Variants in DNAL1 observed in about 807,000 individuals in gnomAD.
The protein encoded by DNAL1 is dynein axonemal light chain 1.
A neutral mutation model predicts 29.4 loss-of-function variants in DNAL1; 17 were observed. The ratio of observed to expected loss-of-function variants is 0.58; its 90% CI spans 0.40 to 0.87. The LOEUF is 0.87. DNAL1 is among the 40% of genes least tolerant of loss of function. The pLI is 0.00. For synonymous variants in DNAL1, 78 were observed against 76.3 expected, an observed-to-expected ratio of 1.02 and a Z score of -0.12; for missense variants, 188 against 214.1, an observed-to-expected ratio of 0.88 and a Z score of 0.76.
chr14:73,679,283 C>T lies in DNAL1; in HGVS notation c.264+7686C>T, dbSNP rs144725575. Reference sequence around the variant, plus strand: ...TGCTGGGATTACAGGCGTGAGCCACCGTGCCCGGCCAAGACTTTTGTTTTT... The same window carrying T: ...TGCTGGGATTACAGGCGTGAGCCACTGTGCCCGGCCAAGACTTTTGTTTTT... On this transcript the variant is annotated intron_variant, in intron 5 of 7. Coordinates refer to ENST00000553645, the MANE Select transcript of DNAL1 (RefSeq NM_031427.4). 1.6e-3 allele frequency among the ~76,000 whole-genome samples: 240 copies of T among 152,234 alleles called. 5 individuals are homozygous for T. The East Asian group carries it at 0.04, about 25-fold the overall frequency.
intron 2 of DNAL1, among the ~76,000 whole-genome samples, chr14:73,657,682 C>T (rs1176689967): frequency 6.6e-6 from 1 of 152,208 alleles, no homozygotes; most frequent in Non-Finnish European, 1.5e-5. Context: ...CAACCTCTGC[C>T]TCCCGGGTTC....
At chr14:73,693,574 A>G (rs1441312340) in intron 7 of DNAL1, among the ~76,000 whole-genome samples, 1 of 152,194 alleles carries the variant, frequency 6.6e-6, no homozygotes, top group Non-Finnish European at 1.5e-5. Flanking sequence ...GACACAGGGT[A>G]CATACTATAT....
chr14:73,683,700 A>ATTTAT (rs1334060024), intron 5 of DNAL1, among the ~76,000 whole-genome samples: 1 of 127,992 alleles, frequency 7.8e-6, no homozygotes, highest in African/African-American at 3.1e-5. Context: ...TTATTTATTT[A>ATTTAT]TTATTATTAT....
intron 1 of DNAL1, 52 bp downstream of exon 1, chr14:73,645,094 A>T: frequency 1.3e-6 from 2 of 1,595,412 alleles, no homozygotes; most frequent in Non-Finnish European, 1.7e-6. Flanking sequence ...TTGGGAGTGG[A>T]AAAGGGTGAC....
At chr14:73,657,446 G>T (rs1238787074) in intron 2 of DNAL1, among the ~76,000 whole-genome samples, 2 of 152,158 alleles carry the variant, frequency 1.3e-5, no homozygotes, top group African/African-American at 4.8e-5. Context: ...CTCCCAGATT[G>T]CTGGTATTAC....
intron 4 of DNAL1, among the ~76,000 whole-genome samples, chr14:73,662,244 T>G (rs1891373431): frequency 6.6e-6 from 1 of 152,244 alleles, no homozygotes; most frequent in South Asian, 2.1e-4. Flanking sequence ...TTAAAGACAT[T>G]TAAAAGCTTT....
chr14:73,650,774 C>T (rs922788850), intron 1 of DNAL1, among the ~76,000 whole-genome samples: 1 of 152,108 alleles, frequency 6.6e-6, no homozygotes, highest in African/African-American at 2.4e-5. Context: ...CTGTGCCTGG[C>T]CAGGCAATTG....
intron 5 of DNAL1, among the ~76,000 whole-genome samples, chr14:73,681,617 A>ATATATATATATATAT (rs1891879010): frequency 2.1e-5 from 1 of 47,706 alleles, no homozygotes; most frequent in African/African-American, 9.5e-5. Context: ...AAAAAAAAAA[A>ATATATATATATATAT]AAAAAAAAAA....
chr14:73,650,270 T>C (rs1031937878), intron 1 of DNAL1, among the ~76,000 whole-genome samples: 6 of 152,240 alleles, frequency 3.9e-5, no homozygotes, highest in African/African-American at 1.4e-4. Context: ...ATTATAGGCA[T>C]GAGCCACTGC....
At chr14:73,677,205 C>T (rs889589431) in intron 5 of DNAL1, among the ~76,000 whole-genome samples, 1 of 152,012 alleles carries the variant, frequency 6.6e-6, no homozygotes, top group African/African-American at 2.4e-5. Flanking sequence ...CTCCTGACCT[C>T]GTGATCTGCC....
At chr14:73,645,196 G>C (rs942267094) in intron 1 of DNAL1, among the ~76,000 whole-genome samples, 154 bp downstream of exon 1, 1 of 152,206 alleles carries the variant, frequency 6.6e-6, no homozygotes, top group Non-Finnish European at 1.5e-5. Context: ...CGAGGCGAAA[G>C]AGAAGCCCTG....
chr14:73,673,584 C>T (rs975631566), intron 5 of DNAL1, among the ~76,000 whole-genome samples: 7 of 152,038 alleles, frequency 4.6e-5, no homozygotes, highest in African/African-American at 1.4e-4. Context: ...AGCTTTATTG[C>T]TTATTTGCAG....
Position 73,662,015 on chromosome 14 carries a change from G to GA in DNAL1, c.187dup (p.Ile63AsnfsTer44), listed in dbSNP as rs1387292289. On this transcript the variant is annotated frameshift_variant, in exon 4 of 8. Coordinates refer to ENST00000553645, the MANE Select transcript of DNAL1 (RefSeq NM_031427.4). LOFTEE classifies it high-confidence loss of function. ...GCTTTCACTGTCTACAAACTGCATT[G>GA]AAAAAATTGCCAACCTGAATGGCTT... 1 of 1,560,572 alleles carries GA rather than the reference G, an allele frequency of 6.4e-7. No homozygotes were observed. The highest frequency in any genetic ancestry group is 8.7e-7 in the Non-Finnish European group (1 of 1,151,350).
chr14:73,675,338 C>T (rs1013426208), intron 5 of DNAL1, among the ~76,000 whole-genome samples: 4 of 151,410 alleles, frequency 2.6e-5, no homozygotes, highest in South Asian at 4.2e-4. Context: ...ACTGTAATCT[C>T]GGACTAGTAT....
chr14:73,662,063 G>T, intron 4 of DNAL1, 21 bp downstream of exon 4: 2 of 1,541,688 alleles, frequency 1.3e-6, no homozygotes, highest in South Asian at 2.4e-5. Flanking sequence ...CACAGTAACA[G>T]ATGGTTCATG....
chr14:73,645,092 G>A (rs1167362219), intron 1 of DNAL1, 50 bp downstream of exon 1: 1 of 1,596,154 alleles, frequency 6.3e-7, no homozygotes, highest in Non-Finnish European at 8.5e-7. Context: ...GATTGGGAGT[G>A]GAAAAGGGTG....
chr14:73,653,742 A>G (rs1276168625), intron 1 of DNAL1, among the ~76,000 whole-genome samples: 1 of 152,182 alleles, frequency 6.6e-6, no homozygotes, highest in Non-Finnish European at 1.5e-5. Flanking sequence ...ATTTGTTCAC[A>G]TAGTTTAAAA....
At chr14:73,689,773 C>T (rs1016863135) in intron 7 of DNAL1, among the ~76,000 whole-genome samples, 1 of 152,014 alleles carries the variant, frequency 6.6e-6, no homozygotes, top group South Asian at 2.1e-4. Context: ...GGGTGGCTCA[C>T]GCCTGTAATC....
rs1892347641 is a variant in DNAL1 at position 73,698,237 on chromosome 14, A to G, written c.*2295A>G. On this transcript the variant is annotated 3_prime_UTR_variant, in exon 8 of 8. Transcript: ENST00000553645. Reference sequence around the variant, plus strand: ...TCTCTGTCCATTTCATGCAAAATTCATATTCAGTATCATTCAACAAATCTT... The same window carrying G: ...TCTCTGTCCATTTCATGCAAAATTCGTATTCAGTATCATTCAACAAATCTT... 6.6e-6 allele frequency: 1 copy of G among 152,226 alleles called. No individual in the cohort carries two copies. The highest frequency in any genetic ancestry group is 2.4e-5 in the African/African-American group (1 of 41,452). The allele number at this position is 152,226 out of a possible 1,614,324, so 9.4% of individuals were successfully genotyped here. A position where few individuals can be genotyped will look rare whatever the true frequency, so the allele number is the denominator to read the frequency against.
Sources: gnomAD v4.1 joint callset for allele counts (sites outside exome capture counted in the v4.1 genomes callset) on GRCh38, gnomAD v4.1.1 for gene constraint, MANE v1.5 for transcripts, NCBI Gene and HGNC (gene_info 2026-07-23, HGNC 2026-07-21) for gene names.